The following ATG5 variants were observed in gnomAD, a reference collection of about 807,000 sequenced individuals.
ATG5 encodes autophagy protein 5.
Under a neutral mutation model 36.5 loss-of-function variants are expected in ATG5, and 14 were observed. The ratio of observed to expected loss-of-function variants is 0.38; its 90% confidence interval spans 0.25 to 0.60. ATG5 has a LOEUF of 0.60. ATG5 is among the 20% of genes least tolerant of loss of function. The pLI is 0.60. For missense variants in ATG5, 195 were observed against 326.7 expected (o/e 0.60, Z 3.11); for synonymous variants, 95 against 101.5 (o/e 0.94, Z 0.38).
At chr6:106,246,043 T>A (rs1403055632) in intron 6 of ATG5, among the ~76,000 whole-genome samples, 1 of 152,178 alleles carries the variant, frequency 6.6e-6, no homozygotes, top group Non-Finnish European at 1.5e-5. Flanking sequence ...TAGCAAAAAC[T>A]GGACTCCTTA....
chr6:106,200,354 G>C (rs182662605), intron 7 of ATG5, among the ~76,000 whole-genome samples: 1 of 152,012 alleles, frequency 6.6e-6, no homozygotes, highest in Admixed American at 6.6e-5. Context: ...GAATACATTC[G>C]TAAGAAACAA....
chr6:106,276,645 C>T (rs983651880), intron 5 of ATG5, among the ~76,000 whole-genome samples: 7 of 152,160 alleles, frequency 4.6e-5, no homozygotes, highest in African/African-American at 1.4e-4. Flanking sequence ...CTCTGCTGAA[C>T]CCCTGAGTTC....
chr6:106,207,324 C>T lies in ATG5; in HGVS notation c.574-5235G>A, dbSNP rs146739112. 3.2e-4 allele frequency among the ~76,000 whole-genome samples: 49 copies of T among 152,042 alleles called. No individual in the cohort carries two copies. The East Asian group carries it at 4.3e-3, about 13-fold the overall frequency. On this transcript the variant is annotated intron_variant, in intron 6 of 7. Transcript: ENST00000369076. Reference sequence around the variant, plus strand: ...GATATATTGAAGAAAAGCAGAAAAACGAAACTTATAAACATTTTAGGAAAC... The same window carrying T: ...GATATATTGAAGAAAAGCAGAAAAATGAAACTTATAAACATTTTAGGAAAC...
At chr6:106,236,780 C>T (rs2114481305) in intron 6 of ATG5, among the ~76,000 whole-genome samples, 1 of 152,222 alleles carries the variant, frequency 6.6e-6, no homozygotes, top group South Asian at 2.1e-4. Context: ...AGTTGTTTTA[C>T]TCTGTGTATG....
intron 5 of ATG5, among the ~76,000 whole-genome samples, chr6:106,253,505 T>C (rs935762312): frequency 1.2e-4 from 19 of 152,170 alleles, no homozygotes; most frequent in African/African-American, 4.6e-4. Context: ...AGAGAAGACA[T>C]TTACTCCTTT....
At chr6:106,319,686 T>C (rs1770988579) in intron 1 of ATG5, among the ~76,000 whole-genome samples, 1 of 152,220 alleles carries the variant, frequency 6.6e-6, no homozygotes, top group African/African-American at 2.4e-5. Flanking sequence ...ACTTTTCCTC[T>C]ACCCTTGTAA....
chr6:106,226,430 A>G (rs1241315009), intron 6 of ATG5, among the ~76,000 whole-genome samples: 2 of 152,226 alleles, frequency 1.3e-5, no homozygotes, highest in Non-Finnish European at 2.9e-5. Flanking sequence ...AGTATAAGCC[A>G]CAAACTGGGG....
intron 3 of ATG5, 147 bp downstream of exon 3, chr6:106,308,217 T>C (rs1770522374): frequency 3.6e-6 from 2 of 553,448 alleles, no homozygotes; most frequent in Non-Finnish European, 5.5e-6. Context: ...TAACGTATTC[T>C]AGTAATAGTC....
Position 106,202,052 on chromosome 6 carries a change from C to T in ATG5, c.611G>A (p.Arg204His), listed in dbSNP as rs779280595. ...TERPFIQKLF[R>H]PVAADGQLHT... is the part of the protein sequence containing the mutation. The stretch of plus-strand genomic sequence containing the variant: ...CAACTGTCCATCTGCAGCCACAGGA[C>T]GAAACAGCTTCTGAATGAAAGGTCT... The change falls in exon 7 of 8, where the codon CGT becomes CAT. Residue 204 changes from arginine to histidine, a missense_variant. By Grantham distance (29) the Arg-to-His change is conservative. Coordinates refer to ENST00000369076, the MANE Select transcript of ATG5 (RefSeq NM_004849.4). The T allele has an allele frequency of 6.2e-6, 10 of 1,613,654 alleles. No individual in the cohort carries two copies. Among genetic ancestry groups the T allele is most frequent in the South Asian group, 1.1e-5 (1 of 91,066 alleles).
rs114398250 is a variant in ATG5, at chr6:106,203,513, G to A, written c.574-1424C>T. On this transcript the variant is annotated intron_variant, in intron 6 of 7. Transcript: ENST00000369076. The stretch of plus-strand genomic sequence containing the variant: ...TTTTACCTCCTCTCTCCCTCTTAAC[G>A]GTTATTTCACTTTAAGATGGTAAAT... Among the ~76,000 whole-genome samples the A allele has an allele frequency of 9.2e-3, 1,405 of 152,216 alleles. 21 individuals are homozygous for A. The highest frequency in any genetic ancestry group is 0.032 in the African/African-American group (1,349 of 41,538).
intron 4 of ATG5, among the ~76,000 whole-genome samples, chr6:106,280,169 T>C (rs1779824009): frequency 6.6e-6 from 1 of 151,696 alleles, no homozygotes; most frequent in African/African-American, 2.4e-5. Flanking sequence ...TATAACCACT[T>C]TGGAAAAGTC....
At chr6:106,322,666 T>C (rs1309482658) in intron 1 of ATG5, among the ~76,000 whole-genome samples, 2 of 152,226 alleles carry the variant, frequency 1.3e-5, no homozygotes, top group African/African-American at 4.8e-5. Context: ...GGAGGAAATT[T>C]TGTAAATCTC....
At chr6:106,215,153 T>C (rs988221731) in intron 6 of ATG5, among the ~76,000 whole-genome samples, 42 of 152,346 alleles carry the variant, frequency 2.8e-4, no homozygotes, top group African/African-American at 9.9e-4. Context: ...TGTACTTACA[T>C]AAAATAATTA....
intron 6 of ATG5, among the ~76,000 whole-genome samples, chr6:106,234,115 G>A (rs77791277): frequency 0.15 from 22,718 of 151,496 alleles, 2,044 homozygotes; most frequent in Non-Finnish European, 0.2. Context: ...GTATGTCTGA[G>A]GGGGGTGGAG....
chr6:106,237,409 A>C (rs1291085557), intron 6 of ATG5, among the ~76,000 whole-genome samples: 1 of 152,194 alleles, frequency 6.6e-6, no homozygotes, highest in Non-Finnish European at 1.5e-5. Context: ...ATATTTCTTT[A>C]TAATATGCAC....
At chr6:106,233,295 G>C (rs1038678718) in intron 6 of ATG5, among the ~76,000 whole-genome samples, 1 of 152,204 alleles carries the variant, frequency 6.6e-6, no homozygotes, top group Admixed American at 6.5e-5. Context: ...ACAGGTTTCT[G>C]CCAAATATGG....
intron 6 of ATG5, among the ~76,000 whole-genome samples, chr6:106,228,919 C>G: frequency 6.6e-6 from 1 of 152,182 alleles, no homozygotes; most frequent in South Asian, 2.1e-4. Context: ...CCTGGGGAAG[C>G]CAAGGGCTGA....
At chr6:106,282,548 A>C (rs1211948046) in intron 4 of ATG5, among the ~76,000 whole-genome samples, 1 of 152,242 alleles carries the variant, frequency 6.6e-6, no homozygotes, top group Non-Finnish European at 1.5e-5. Flanking sequence ...GGAAGTGCTT[A>C]CACTGAGCAG....
chr6:106,299,132 T>C (rs1421947908), intron 3 of ATG5, among the ~76,000 whole-genome samples: 2 of 152,182 alleles, frequency 1.3e-5, no homozygotes, highest in African/African-American at 4.8e-5. Context: ...CCACCCTTGG[T>C]ACGTGTGGGG....
Sources: allele counts gnomAD v4.1 joint callset (sites outside exome capture counted in the v4.1 genomes callset), GRCh38; gene constraint gnomAD v4.1.1; transcripts MANE v1.5; gene names NCBI Gene and HGNC (gene_info 2026-07-23, HGNC 2026-07-21).